IQGAP2: variants seen among roughly 807,000 people sequenced by gnomAD.
IQGAP2 encodes ras GTPase-activating-like protein IQGAP2.
IQGAP2 carries 173 observed loss-of-function variants against 201.3 expected under a neutral mutation model. The ratio of observed to expected loss-of-function variants is 0.86; its 90% CI spans 0.76 to 0.98. The LOEUF is 0.98. IQGAP2 is among the 50% of genes least tolerant of loss of function. The probability of loss-of-function intolerance (pLI) is 0.00; values close to 1 mark genes in which losing one functional copy is unlikely to be tolerated. For synonymous variants in IQGAP2, 675 were observed against 673.9 expected, an observed-to-expected ratio of 1.00 and a Z score of -0.03; for missense variants, 1,687 against 1,864.8, an observed-to-expected ratio of 0.90 and a Z score of 1.76.
chr5:76,572,777 G>A (rs778685635), intron 4 of IQGAP2, among the ~76,000 whole-genome samples: 7 of 152,138 alleles, frequency 4.6e-5, no homozygotes, highest in African/African-American at 9.7e-5. Context: ...GAGTGGTCTC[G>A]CTGGAGGTCA....
chr5:76,656,729 A>G (rs1310990200), intron 20 of IQGAP2, among the ~76,000 whole-genome samples: 1 of 151,594 alleles, frequency 6.6e-6, no homozygotes, highest in Non-Finnish European at 1.5e-5. Context: ...GCAACTTTAT[A>G]TTGGGGCATA....
intron 21 of IQGAP2, 123 bp downstream of exon 21, chr5:76,658,790 G>A: frequency 2.4e-6 from 2 of 845,612 alleles, no homozygotes; most frequent in Admixed American, 2.4e-5. Flanking sequence ...TCATCCTGAT[G>A]CAAACATCAT....
chr5:76,635,874 G>A (rs930817445), intron 15 of IQGAP2, among the ~76,000 whole-genome samples: 9 of 151,870 alleles, frequency 5.9e-5, no homozygotes, highest in African/African-American at 2.2e-4. Context: ...GGAGGGTAGG[G>A]GGAGGGAAAG....
intron 12 of IQGAP2, among the ~76,000 whole-genome samples, chr5:76,610,556 A>G (rs1014849151): frequency 2.2e-5 from 3 of 133,450 alleles, no homozygotes; most frequent in African/African-American, 9.4e-5. Flanking sequence ...GGACAGAGCA[A>G]GAATCTCTCA....
intron 21 of IQGAP2, among the ~76,000 whole-genome samples, chr5:76,660,860 G>A (rs1413284496): frequency 6.6e-6 from 1 of 152,134 alleles, no homozygotes; most frequent in African/African-American, 2.4e-5. Flanking sequence ...ACGACCTGAA[G>A]CCCAAAGCAA....
At chr5:76,670,886 AT>A (rs1368538406) in intron 23 of IQGAP2, among the ~76,000 whole-genome samples, 1 of 152,336 alleles carries the variant, frequency 6.6e-6, no homozygotes, top group African/African-American at 2.4e-5. Flanking sequence ...GTCCTGGTCC[AT>A]TTTCAGCTCA....
At chr5:76,556,162 T>C (rs969545134) in intron 2 of IQGAP2, among the ~76,000 whole-genome samples, 2 of 152,074 alleles carry the variant, frequency 1.3e-5, no homozygotes, top group African/African-American at 4.8e-5. Flanking sequence ...TCGAGTGTTA[T>C]AGTAGGGTTT....
rs1388311418 is a variant in IQGAP2 at position 76,674,056 on chromosome 5, C to G, written c.3294+20C>G. The G allele has an allele frequency of 1.5e-6, 2 of 1,316,950 alleles. No homozygotes were observed. Among genetic ancestry groups the G allele is most frequent in the East Asian group, 4.6e-5 (2 of 43,416 alleles). 81.6% of individuals were successfully genotyped at this position (1,316,950 alleles called of 1,614,324 possible). On this transcript the variant is annotated intron_variant, in intron 26 of 35. Transcript: ENST00000274364. ...TTAAAGGTAGATTTTCAAGGGTAATCTCACCATAGCTTCTCCTGGGGGTAT... is the reference window on the plus strand; with the variant it reads ...TTAAAGGTAGATTTTCAAGGGTAATGTCACCATAGCTTCTCCTGGGGGTAT...
At chr5:76,496,579 C>T (rs991316184) in intron 2 of IQGAP2, among the ~76,000 whole-genome samples, 9 of 152,274 alleles carry the variant, frequency 5.9e-5, no homozygotes, top group African/African-American at 1.2e-4. Flanking sequence ...GGGGCCTACA[C>T]GAAGGTGTGA....
chr5:76,676,819 A>C (rs1744861352), intron 27 of IQGAP2, among the ~76,000 whole-genome samples: 1 of 152,238 alleles, frequency 6.6e-6, no homozygotes, highest in African/African-American at 2.4e-5. Flanking sequence ...TAAAGCAGCA[A>C]ATTTGACTAA....
chr5:76,580,024 C>T (rs1287536081), intron 5 of IQGAP2, among the ~76,000 whole-genome samples: 4 of 152,036 alleles, frequency 2.6e-5, no homozygotes, highest in African/African-American at 7.3e-5. Context: ...GCCTGTAATC[C>T]CAGCACTTTG....
In IQGAP2 at chr5:76,673,371, G is replaced by C. The variant is rs1021868076; in HGVS notation, c.3069-78G>C. The stretch of plus-strand genomic sequence containing the variant: ...AAGTCCAATTCACTATACAAAGCTT[G>C]ACTATAGAACCAACTTGGCAGCAAA... On this transcript the variant is annotated intron_variant, in intron 24 of 35. Coordinates refer to ENST00000274364, the MANE Select transcript of IQGAP2 (RefSeq NM_006633.5). The C allele has an allele frequency of 4.0e-6, 6 of 1,484,312 alleles. No individual in the cohort carries two copies. In the African/African-American group the frequency reaches 7.0e-5, roughly 17 times the overall value. 91.9% of individuals were successfully genotyped at this position (1,484,312 alleles called of 1,614,324 possible).
At chr5:76,525,903 A>G (rs2359198) in intron 2 of IQGAP2, among the ~76,000 whole-genome samples, 75,114 of 152,044 alleles carry the variant, frequency 0.49, 20,234 homozygotes, top group East Asian at 0.95. Flanking sequence ...ATAAAAATAC[A>G]GGTATTTCTG....
chr5:76,559,025 C>T (rs1322010995), intron 2 of IQGAP2, among the ~76,000 whole-genome samples: 1 of 152,150 alleles, frequency 6.6e-6, no homozygotes, highest in African/African-American at 2.4e-5. Flanking sequence ...CTCAGCCTCC[C>T]GAGTAGCTGG....
chr5:76,450,127 C>T (rs1254578427), intron 1 of IQGAP2, among the ~76,000 whole-genome samples: 1 of 152,172 alleles, frequency 6.6e-6, no homozygotes, highest in African/African-American at 2.4e-5. Context: ...ATGTTTGCAG[C>T]TTTGTTGCCC....
intron 1 of IQGAP2, among the ~76,000 whole-genome samples, chr5:76,407,662 C>G (rs1162854399): frequency 2.0e-5 from 3 of 152,210 alleles, no homozygotes; most frequent in Non-Finnish European, 4.4e-5. Flanking sequence ...ATGGTTTTAA[C>G]TTTAATTACA....
At chr5:76,409,882 T>A (rs190066131) in intron 1 of IQGAP2, among the ~76,000 whole-genome samples, 30 of 152,246 alleles carry the variant, frequency 2.0e-4, no homozygotes, top group African/African-American at 7.2e-4. Context: ...AGCTTTGGAG[T>A]TGAATAGATG....
At chr5:76,647,582 C>T (rs1020318731) in intron 17 of IQGAP2, among the ~76,000 whole-genome samples, 2 of 151,998 alleles carry the variant, frequency 1.3e-5, no homozygotes, top group East Asian at 1.9e-4. Context: ...TTGCTGCCAC[C>T]GTGTAAGAAG....
At chr5:76,610,080 A>C (rs80083487) in intron 12 of IQGAP2, among the ~76,000 whole-genome samples, 1,869 of 5,536 alleles carry the variant, frequency 0.34, 149 homozygotes, top group South Asian at 0.44. Context: ...CTCTCTCTAT[A>C]TATATATATA....
Sources: gnomAD v4.1 joint callset for allele counts (sites outside exome capture counted in the v4.1 genomes callset) on GRCh38, gnomAD v4.1.1 for gene constraint, MANE v1.5 for transcripts, NCBI Gene and HGNC (gene_info 2026-07-23, HGNC 2026-07-21) for gene names.